The following CADM2 variants were observed in gnomAD, a reference collection of about 807,000 sequenced individuals.
The protein encoded by CADM2 is immunoglobulin superfamily member 4D.
In CADM2, 12 loss-of-function variants were observed where a neutral mutation model predicts 49.8. That is an observed-to-expected ratio of 0.24 (90% CI 0.15 to 0.39). The LOEUF (loss-of-function observed/expected upper bound fraction) is 0.39, where lower values mean the gene tolerates loss of function less well. Ranked by LOEUF, CADM2 falls within the 10% of genes least tolerant of loss-of-function variation. The pLI, the probability that CADM2 is intolerant of heterozygous loss-of-function variation, is 1.00. For missense variants in CADM2, 378 were observed against 492.3 expected (o/e 0.77, Z 2.20); for synonymous variants, 214 against 175.4 (o/e 1.22, Z -1.74).
At chr3:85,600,406 A>G (rs2063357506) in intron 1 of CADM2, among the ~76,000 whole-genome samples, 1 of 151,986 alleles carries the variant, frequency 6.6e-6, no homozygotes, top group African/African-American at 2.4e-5. Context: ...GTAAGTGCTC[A>G]TTAAATATTT....
chr3:85,354,618 C>CAGAGAGAGAGAGAGAG (rs139421347), intron 1 of CADM2, among the ~76,000 whole-genome samples: 7,122 of 130,124 alleles, frequency 0.055, 419 homozygotes, highest in East Asian at 0.14. Context: ...GAATACCTAA[C>CAGAGAGAGAGAGAGAG]AGAGAGAGAG....
intron 1 of CADM2, among the ~76,000 whole-genome samples, chr3:85,550,558 T>C (rs1186198731): frequency 6.6e-6 from 1 of 152,234 alleles, no homozygotes; most frequent in Non-Finnish European, 1.5e-5. Context: ...ATAACTGATG[T>C]AGGTAACACA....
chr3:85,381,510 A>G (rs1576453253), intron 1 of CADM2, among the ~76,000 whole-genome samples: 3 of 147,992 alleles, frequency 2.0e-5, no homozygotes, highest in South Asian at 4.2e-4. Context: ...ATATATATAT[A>G]AAGTATATAT....
chr3:85,027,981 C>G (rs1160561801), intron 1 of CADM2, among the ~76,000 whole-genome samples: 1 of 151,432 alleles, frequency 6.6e-6, no homozygotes, highest in Non-Finnish European at 1.5e-5. Context: ...TTCTTTTTTC[C>G]TTTCAAATCA....
intron 2 of CADM2, among the ~76,000 whole-genome samples, chr3:85,798,356 G>A (rs2071757774): frequency 6.6e-6 from 1 of 152,152 alleles, no homozygotes; most frequent in Non-Finnish European, 1.5e-5. Context: ...CCTATGTCCT[G>A]AATGATAACA....
chr3:85,636,947 C>A (rs1392927509), intron 1 of CADM2, among the ~76,000 whole-genome samples: 1 of 152,136 alleles, frequency 6.6e-6, no homozygotes, highest in Non-Finnish European at 1.5e-5. Flanking sequence ...GTATTCCTAA[C>A]ATTAAGCATG....
intron 3 of CADM2, among the ~76,000 whole-genome samples, chr3:85,859,832 C>A (rs1397413142): frequency 1.3e-5 from 2 of 152,050 alleles, no homozygotes; most frequent in East Asian, 3.9e-4. Context: ...AAAGAAAAAT[C>A]GTAGAATTTT....
intron 2 of CADM2, among the ~76,000 whole-genome samples, chr3:85,761,507 G>A (rs1179655923): frequency 6.6e-6 from 1 of 150,538 alleles, no homozygotes; most frequent in Non-Finnish European, 1.5e-5. Context: ...CTCCCGAGTA[G>A]CTGGGACTAC....
At chr3:85,412,302 T>C (rs1469569165) in intron 1 of CADM2, among the ~76,000 whole-genome samples, 1 of 152,232 alleles carries the variant, frequency 6.6e-6, no homozygotes, top group African/African-American at 2.4e-5. Context: ...GGACAATATC[T>C]ATAAATAGTA....
intron 1 of CADM2, among the ~76,000 whole-genome samples, chr3:85,206,153 A>T: frequency 6.6e-6 from 1 of 151,980 alleles, no homozygotes; most frequent in East Asian, 1.9e-4. Context: ...TTTGTTTGTT[A>T]CAGATAATAC....
intron 1 of CADM2, among the ~76,000 whole-genome samples, chr3:85,248,937 T>A (rs2042713467): frequency 1.3e-5 from 2 of 152,148 alleles, no homozygotes; most frequent in African/African-American, 4.8e-5. Context: ...AACAATGAAA[T>A]TTAAGCAATC....
At chr3:85,958,555 C>A (rs1472805395) in intron 7 of CADM2, among the ~76,000 whole-genome samples, 1 of 151,902 alleles carries the variant, frequency 6.6e-6, no homozygotes, top group Non-Finnish European at 1.5e-5. Flanking sequence ...TGGGTATATA[C>A]CCAAAGGAAT....
At chr3:85,656,337 C>T (rs1270451486) in intron 1 of CADM2, among the ~76,000 whole-genome samples, 1 of 152,016 alleles carries the variant, frequency 6.6e-6, no homozygotes, top group Non-Finnish European at 1.5e-5. Context: ...TTAAGAAAAG[C>T]CGGGCGCAGT....
At chr3:86,030,997 A>G (rs1734498020) in intron 8 of CADM2, among the ~76,000 whole-genome samples, 1 of 151,970 alleles carries the variant, frequency 6.6e-6, no homozygotes, top group East Asian at 1.9e-4. Context: ...TAGTTTAGGT[A>G]GATTTGGACG....
intron 1 of CADM2, among the ~76,000 whole-genome samples, chr3:85,197,822 A>G (rs976378340): frequency 3.9e-5 from 6 of 151,910 alleles, no homozygotes; most frequent in African/African-American, 1.4e-4. Context: ...AGGAGTACGT[A>G]TATAATTAAA....
chr3:85,047,635 T>C (rs2035718282), intron 1 of CADM2, among the ~76,000 whole-genome samples: 2 of 152,128 alleles, frequency 1.3e-5, no homozygotes, highest in South Asian at 4.1e-4. Context: ...ACAAATGGTT[T>C]TATAACTAAC....
chr3:85,267,827 G>A (rs1299426470), intron 1 of CADM2, among the ~76,000 whole-genome samples: 2 of 151,442 alleles, frequency 1.3e-5, no homozygotes, highest in African/African-American at 2.4e-5. Flanking sequence ...TATTTTCTTG[G>A]AAATAGGCAG....
intron 2 of CADM2, among the ~76,000 whole-genome samples, chr3:85,783,330 T>C (rs1353991261): frequency 6.6e-6 from 1 of 152,222 alleles, no homozygotes; most frequent in Non-Finnish European, 1.5e-5. Context: ...AAACCACTGA[T>C]GAGCACTATT....
At chr3:85,192,307 G>A (rs944125121) in intron 1 of CADM2, among the ~76,000 whole-genome samples, 1 of 151,930 alleles carries the variant, frequency 6.6e-6, no homozygotes, top group Non-Finnish European at 1.5e-5. Context: ...GGTAAACACA[G>A]CACTCATCTT....
Sources: allele counts gnomAD v4.1 joint callset (sites outside exome capture counted in the v4.1 genomes callset), GRCh38; gene constraint gnomAD v4.1.1; transcripts MANE v1.5; gene names NCBI Gene and HGNC (gene_info 2026-07-23, HGNC 2026-07-21).